The following RFTN1 variants were observed in gnomAD, a reference collection of about 807,000 sequenced individuals.
RFTN1 encodes raftlin, lipid raft linker 1.
In RFTN1, 26 loss-of-function variants were observed where a neutral mutation model predicts 46.5. The observed-to-expected ratio is 0.56, with a 90% CI of 0.41 to 0.78. The LOEUF is 0.78. Ranked by LOEUF, RFTN1 falls within the 30% of genes least tolerant of loss-of-function variation. The pLI is 0.00. For missense variants in RFTN1, 693 were observed against 718.7 expected (o/e 0.96, Z 0.41); for synonymous variants, 261 against 284.2 (o/e 0.92, Z 0.82).
chr3:16,446,292 T>TAA lies in RFTN1; in HGVS notation c.146-12257_146-12256dup, dbSNP rs59087317. On this transcript the variant is annotated intron_variant, in intron 2 of 9. Transcript: ENST00000334133. This position sits in a 1 kb window ranked among gnomAD's most constrained non-coding sequence, Gnocchi z 4.5. ...AGCTCAGAGGAAACCTAGAAACCTT[T>TAA]AAAAAAAAAAAAACTGTGGTAAAAT... Among the ~76,000 whole-genome samples the TAA allele has an allele frequency of 6.4e-3, 925 of 143,828 alleles. 8 individuals carry two copies. The highest frequency in any genetic ancestry group is 0.021 in the African/African-American group (827 of 39,540). 94.4% of individuals were successfully genotyped at this position (143,828 alleles called of 152,430 possible). A position where few individuals can be genotyped will look rare whatever the true frequency, so the allele number is the denominator to read the frequency against.
In RFTN1 at chr3:16,473,029, T is replaced by A. The variant is rs949012433; in HGVS notation, c.145+20696A>T. ...AGTTCATCTCCCTTCTAAATGATAC[T>A]AGGAAATCTGTTGGCTATAAATGAA... On this transcript the variant is annotated intron_variant, in intron 2 of 9. Coordinates refer to ENST00000334133, the MANE Select transcript of RFTN1 (RefSeq NM_015150.2). The surrounding 1 kb of genome is among the most constrained non-coding windows in gnomAD (Gnocchi z 5.3). 6.6e-6 allele frequency among the ~76,000 whole-genome samples: 1 copy of A among 152,204 alleles called. No individual in the cohort carries two copies. The highest frequency in any genetic ancestry group is 2.4e-5 in the African/African-American group (1 of 41,452).
intron 5 of RFTN1, among the ~76,000 whole-genome samples, chr3:16,377,001 TAC>T (rs2073800244): frequency 6.6e-6 from 1 of 152,090 alleles, no homozygotes; most frequent in Non-Finnish European, 1.5e-5. Flanking sequence ...TGTTCTTACT[TAC>T]ATGGCTTATG....
Position 16,449,505 on chromosome 3 carries a change from C to A in RFTN1, c.146-15468G>T, listed in dbSNP as rs1273907029. Among the ~76,000 whole-genome samples the A allele has an allele frequency of 1.3e-5, 2 of 152,176 alleles. No individual in the cohort carries two copies. Among genetic ancestry groups the A allele is most frequent in the Admixed American group, 1.3e-4 (2 of 15,280 alleles). On this transcript the variant is annotated intron_variant, in intron 2 of 9. Coordinates refer to ENST00000334133, the MANE Select transcript of RFTN1 (RefSeq NM_015150.2). This position sits in a 1 kb window ranked among gnomAD's most constrained non-coding sequence, Gnocchi z 5.1. ...ATGCACATAAAGTCCTAGAACTGCACCTGGAACTGGTAACTCCTCCATACA... is the reference window on the plus strand; with the variant it reads ...ATGCACATAAAGTCCTAGAACTGCAACTGGAACTGGTAACTCCTCCATACA...
rs759313690 is a variant in RFTN1 at position 16,463,684 on chromosome 3, A to G, written c.146-29647T>C. Among the ~76,000 whole-genome samples, 7 of 152,082 alleles carry G rather than the reference A, an allele frequency of 4.6e-5. 1 individual carries two copies. The highest frequency in any genetic ancestry group is 8.8e-5 in the Non-Finnish European group (6 of 68,016). On this transcript the variant is annotated intron_variant, in intron 2 of 9. Coordinates refer to ENST00000334133, the MANE Select transcript of RFTN1 (RefSeq NM_015150.2). ...CTGGATCATCTGTGAATCTGTTTCTATCATTTGTTTTTCTCTCATTTTTGG... is the reference window on the plus strand; with the variant it reads ...CTGGATCATCTGTGAATCTGTTTCTGTCATTTGTTTTTCTCTCATTTTTGG...
At chr3:16,472,931 G>A (rs982581652) in intron 2 of RFTN1, among the ~76,000 whole-genome samples, 1 of 152,172 alleles carries the variant, frequency 6.6e-6, no homozygotes, top group African/African-American at 2.4e-5. Context: ...ACTGGCCCTG[G>A]GAGATTTCTT....
In RFTN1 at chr3:16,433,669, G is replaced by A. The variant is rs916899382; in HGVS notation, c.332+182C>T. Among the ~76,000 whole-genome samples, 6 of 152,138 alleles carry A rather than the reference G, an allele frequency of 3.9e-5. No homozygotes were observed. Among genetic ancestry groups the A allele is most frequent in the African/African-American group, 1.4e-4 (6 of 41,446 alleles). Reference sequence around the variant, plus strand: ...GTTGGACATGCATTTGTTTTTCATCGCAGGATGCTAGGAAAGAAACCTCTC... The same window carrying A: ...GTTGGACATGCATTTGTTTTTCATCACAGGATGCTAGGAAAGAAACCTCTC... On this transcript the variant is annotated intron_variant, in intron 3 of 9. Transcript: ENST00000334133. This position sits in a 1 kb window ranked among gnomAD's most constrained non-coding sequence, Gnocchi z 4.4.
intron 6 of RFTN1, among the ~76,000 whole-genome samples, chr3:16,359,726 G>A (rs2072704566): frequency 6.6e-6 from 1 of 152,164 alleles, no homozygotes; most frequent in Non-Finnish European, 1.5e-5. Flanking sequence ...TGTTATGACA[G>A]TCCTAGTAAA....
chr3:16,376,436 C>T lies in RFTN1; in HGVS notation c.826+1282G>A, dbSNP rs548608108. ...CGCCCTCCCACAGTCCTGGACCGTA[C>T]AGAAGGACTCCAGTGAGGTCCATCT... On this transcript the variant is annotated intron_variant, in intron 5 of 9. Coordinates refer to ENST00000334133, the MANE Select transcript of RFTN1 (RefSeq NM_015150.2). This position sits in a 1 kb window ranked among gnomAD's most constrained non-coding sequence, Gnocchi z 4.7. Among the ~76,000 whole-genome samples, 1 of 152,262 alleles carries T rather than the reference C, an allele frequency of 6.6e-6. No homozygotes were observed. Among genetic ancestry groups the T allele is most frequent in the Admixed American group, 6.5e-5 (1 of 15,302 alleles).
At chr3:16,469,675 C>T (rs1213683462) in intron 2 of RFTN1, among the ~76,000 whole-genome samples, 1 of 152,210 alleles carries the variant, frequency 6.6e-6, no homozygotes, top group Admixed American at 6.5e-5. Context: ...ACATGCTGGC[C>T]TGAGGCCCCT....
At chr3:16,389,783 A>T (rs368005646) in intron 4 of RFTN1, among the ~76,000 whole-genome samples, 2 of 152,230 alleles carry the variant, frequency 1.3e-5, no homozygotes, top group Non-Finnish European at 2.9e-5. Context: ...TCACTCCTCC[A>T]TCAAGAGCTG....
chr3:16,480,994 C>G lies in RFTN1; in HGVS notation c.145+12731G>C, dbSNP rs868668627. Among the ~76,000 whole-genome samples the G allele has an allele frequency of 2.7e-5, 3 of 111,698 alleles. No individual in the cohort carries two copies. The Admixed American group carries it at 3.0e-4, about 11-fold the overall frequency. The allele number at this position is 111,698 out of a possible 152,430, so 73.3% of individuals were successfully genotyped here. On this transcript the variant is annotated intron_variant, in intron 2 of 9. Transcript: ENST00000334133. The surrounding 1 kb of genome is among the most constrained non-coding windows in gnomAD (Gnocchi z 4.3). ...ACACATATGCACATGCACACACACA[C>G]ACAGACACACACACACACACACACA...
intron 1 of RFTN1, among the ~76,000 whole-genome samples, chr3:16,497,960 A>G (rs2076650906): frequency 6.6e-6 from 1 of 152,188 alleles, no homozygotes; most frequent in African/African-American, 2.4e-5. Flanking sequence ...GGGGATCAGA[A>G]GAGTACCAAG....
rs938086406 is a variant in RFTN1 at position 16,422,024 on chromosome 3, C to T, written c.332+11827G>A. Among the ~76,000 whole-genome samples the T allele has an allele frequency of 2.6e-5, 4 of 152,106 alleles. No homozygotes were observed. Among genetic ancestry groups the T allele is most frequent in the East Asian group, 1.9e-4 (1 of 5,192 alleles). On this transcript the variant is annotated intron_variant, in intron 3 of 9. Transcript: ENST00000334133. The surrounding 1 kb of genome is among the most constrained non-coding windows in gnomAD (Gnocchi z 4.6). ...AATATTATGACACATCATCTCTCTC[C>T]TAATTTTTCAATAAAATATATAAAA...
intron 2 of RFTN1, among the ~76,000 whole-genome samples, chr3:16,464,691 G>A (rs1327524521): frequency 6.6e-6 from 1 of 152,220 alleles, no homozygotes. Context: ...TGTAAATAAA[G>A]TTTTATTGGA....
chr3:16,494,785 T>A (rs987483705), intron 1 of RFTN1, among the ~76,000 whole-genome samples: 1 of 152,230 alleles, frequency 6.6e-6, no homozygotes, highest in African/African-American at 2.4e-5. Context: ...TTTGCTTCTG[T>A]GTACTAAGGA....
chr3:16,434,513 C>T (rs1016801177), intron 2 of RFTN1, among the ~76,000 whole-genome samples: 2 of 151,856 alleles, frequency 1.3e-5, no homozygotes, highest in Non-Finnish European at 2.9e-5. Flanking sequence ...CATGATAGGG[C>T]CACTGCACTC....
chr3:16,452,991 A>T lies in RFTN1; in HGVS notation c.146-18954T>A, dbSNP rs2075845293. Among the ~76,000 whole-genome samples, 5 of 152,376 alleles carry T rather than the reference A, an allele frequency of 3.3e-5. No homozygotes were observed. The South Asian group carries it at 1.0e-3, about 32-fold the overall frequency. On this transcript the variant is annotated intron_variant, in intron 2 of 9. Coordinates refer to ENST00000334133, the MANE Select transcript of RFTN1 (RefSeq NM_015150.2). This position sits in a 1 kb window ranked among gnomAD's most constrained non-coding sequence, Gnocchi z 6.3. The stretch of plus-strand genomic sequence containing the variant: ...TAGAAGTATTATGGAAATAATATGA[A>T]CAACAGTAACAATGATAGCTACCTT...
chr3:16,435,947 A>ATATATATATATATATATAT (rs1170115976), intron 2 of RFTN1, among the ~76,000 whole-genome samples: 1 of 136,158 alleles, frequency 7.3e-6, no homozygotes, highest in African/African-American at 3.0e-5. Flanking sequence ...TATATATATC[A>ATATATATATATATATATAT]CACACATATG....
rs531896837 is a variant in RFTN1, at chr3:16,384,457, G to A, written c.442-6355C>T. Among the ~76,000 whole-genome samples, 1 of 152,166 alleles carries A rather than the reference G, an allele frequency of 6.6e-6. No individual in the cohort carries two copies. The highest frequency in any genetic ancestry group is 1.5e-5 in the Non-Finnish European group (1 of 68,034). On this transcript the variant is annotated intron_variant, in intron 4 of 9. Transcript: ENST00000334133. The surrounding 1 kb of genome is among the most constrained non-coding windows in gnomAD (Gnocchi z 4.7). ...GACAACTAGGACTTCATCTGGTATC[G>A]ATTCCAGGTCCTACGTGAGAGGCTG...
Sources: allele counts gnomAD v4.1 joint callset (sites outside exome capture counted in the v4.1 genomes callset), GRCh38; gene constraint gnomAD v4.1.1; non-coding constraint Gnocchi (gnomAD v3.1); transcripts MANE v1.5; gene names NCBI Gene and HGNC (gene_info 2026-07-23, HGNC 2026-07-21).